The following TOM1L2 variants were observed in gnomAD, a reference collection of about 807,000 sequenced individuals.
TOM1L2 encodes TOM1-like protein 2.
A neutral mutation model predicts 67.9 loss-of-function variants in TOM1L2; 31 were observed. That is an observed-to-expected ratio of 0.46 (90% CI 0.34 to 0.62). TOM1L2 has a LOEUF of 0.62. TOM1L2 is among the 20% of genes least tolerant of loss of function. The pLI, the probability that TOM1L2 is intolerant of heterozygous loss-of-function variation, is 0.01. For missense variants in TOM1L2, 606 were observed against 663.5 expected, an observed-to-expected ratio of 0.91 and a Z score of 0.95; for synonymous variants, 256 against 254.0, an observed-to-expected ratio of 1.01 and a Z score of -0.07.
chr17:17,857,247 C>T (rs959424346), intron 12 of TOM1L2, among the ~76,000 whole-genome samples: 4 of 152,326 alleles, frequency 2.6e-5, no homozygotes, highest in African/African-American at 7.2e-5. Flanking sequence ...GCCACTGCAC[C>T]CGGCCTGTGT....
intron 1 of TOM1L2, among the ~76,000 whole-genome samples, chr17:17,955,992 A>G (rs145143504): frequency 2.7e-3 from 409 of 152,360 alleles, no homozygotes; most frequent in Non-Finnish European, 5.1e-3. Flanking sequence ...GCCAGCCTCA[A>G]GAGAAAAACT....
At chr17:17,894,098 T>C (rs1433705296) in intron 3 of TOM1L2, among the ~76,000 whole-genome samples, 1 of 152,180 alleles carries the variant, frequency 6.6e-6, no homozygotes, top group African/African-American at 2.4e-5. Flanking sequence ...TGCTAGTGTT[T>C]TAATGGGATC....
At chr17:17,961,081 G>T (rs116238840) in intron 1 of TOM1L2, among the ~76,000 whole-genome samples, 1 of 152,008 alleles carries the variant, frequency 6.6e-6, no homozygotes, top group Non-Finnish European at 1.5e-5. Flanking sequence ...TCCTAAAACC[G>T]AACAACAACA....
At chr17:17,848,722 G>A (rs1012291656) in intron 14 of TOM1L2, 101 bp downstream of exon 14, 1 of 1,352,308 alleles carries the variant, frequency 7.4e-7, no homozygotes, top group Non-Finnish European at 1.0e-6. Flanking sequence ...GCACCAGTAG[G>A]TGCTCTGGCA....
chr17:17,914,397 G>GGCCT (rs1304880366), intron 1 of TOM1L2, among the ~76,000 whole-genome samples: 1 of 152,162 alleles, frequency 6.6e-6, no homozygotes, highest in Non-Finnish European at 1.5e-5. Context: ...ATTCTTCCTA[G>GGCCT]GCCTGCCTGC....
intron 1 of TOM1L2, among the ~76,000 whole-genome samples, chr17:17,933,017 A>T (rs889563247): frequency 6.6e-6 from 1 of 152,250 alleles, no homozygotes; most frequent in African/African-American, 2.4e-5. Flanking sequence ...CAATTAAAAA[A>T]CTAACAGTCG....
rs761903481 is a variant in TOM1L2 at position 17,847,733 on chromosome 17, C to T, written c.1426G>A (p.Asp476Asn). The change falls in exon 15 of 15, where the codon GAC becomes AAC. Residue 476 changes from aspartate (D) to asparagine (N), a missense_variant. Physicochemically the swap from Asp to Asn is conservative, Grantham distance 23. Around this residue, in one of 2 missense-constraint regions of TOM1L2, gnomAD observed 543 missense variants for 554.0 expected, o/e 0.98. Coordinates refer to ENST00000379504, the MANE Select transcript of TOM1L2 (RefSeq NM_001082968.2). ...GCCTCCATGGGGGGCGAGGGGAGGT[C>T]GGGAACCATTTCAGCAGCTTTGGCT... ...ERAKAAEMVP[D>N]LPSPPMEAPA... The T allele has an allele frequency of 3.2e-5, 52 of 1,613,910 alleles. No individual in the cohort carries two copies. The highest frequency in any genetic ancestry group is 1.3e-4 in the Admixed American group (8 of 59,986).
chr17:17,851,183 G>A (rs1184983071), intron 12 of TOM1L2: 2 of 555,650 alleles, frequency 3.6e-6, no homozygotes, highest in African/African-American at 3.8e-5. Flanking sequence ...GCTCCCGGCA[G>A]GGCCGGCGGT....
At position 17,913,174 on chromosome 17, in the gene TOM1L2, G is replaced by A. The variant is rs989141565; in HGVS notation, c.53-5643C>T. Among the ~76,000 whole-genome samples the A allele has an allele frequency of 1.9e-4, 29 of 151,518 alleles. No homozygotes were observed. The East Asian group carries it at 3.5e-3, about 18-fold the overall frequency. On this transcript the variant is annotated intron_variant, in intron 1 of 14. Coordinates refer to ENST00000379504, the MANE Select transcript of TOM1L2 (RefSeq NM_001082968.2). ...TTCGGCTCGGCATGAGAGGGAGACC[G>A]TGGAAACAGAGGGAGAGGGAGACCG... is the stretch of plus-strand genomic sequence containing the variant.
At chr17:17,881,835 C>CATCCCTACACACACATTGCT (rs1196765265) in intron 6 of TOM1L2, among the ~76,000 whole-genome samples, 2 of 152,210 alleles carry the variant, frequency 1.3e-5, no homozygotes, top group African/African-American at 4.8e-5. Flanking sequence ...ACAACACTGC[C>CATCCCTACACACACATTGCT]ATCCCTACAC....
intron 1 of TOM1L2, among the ~76,000 whole-genome samples, chr17:17,938,694 T>A (rs2040604648): frequency 6.6e-6 from 1 of 151,886 alleles, no homozygotes; most frequent in Non-Finnish European, 1.5e-5. Flanking sequence ...TAACCTTTAC[T>A]GACTTATAAT....
chr17:17,954,608 T>A (rs2041349992), intron 1 of TOM1L2, among the ~76,000 whole-genome samples: 1 of 152,156 alleles, frequency 6.6e-6, no homozygotes, highest in Admixed American at 6.6e-5. Flanking sequence ...CCACCGCGCC[T>A]GGCCCTATTT....
At chr17:17,941,141 C>T (rs550893349) in intron 1 of TOM1L2, among the ~76,000 whole-genome samples, 3 of 152,318 alleles carry the variant, frequency 2.0e-5, no homozygotes, top group East Asian at 1.9e-4. Context: ...AAGGCTTCTA[C>T]GTTTGCTAAC....
At chr17:17,963,561 G>C (rs1419752289) in intron 1 of TOM1L2, among the ~76,000 whole-genome samples, 1 of 152,190 alleles carries the variant, frequency 6.6e-6, no homozygotes, top group African/African-American at 2.4e-5. Flanking sequence ...AGTGCTTCCA[G>C]AGAAAAAAAT....
At chr17:17,914,163 G>C (rs2039527538) in intron 1 of TOM1L2, among the ~76,000 whole-genome samples, 1 of 152,192 alleles carries the variant, frequency 6.6e-6, no homozygotes, top group Non-Finnish European at 1.5e-5. Context: ...ACAGAGGAGG[G>C]GTGTTCAGAG....
At chr17:17,891,848 AT>A (rs2144191254) in intron 4 of TOM1L2, among the ~76,000 whole-genome samples, 1 of 151,636 alleles carries the variant, frequency 6.6e-6, no homozygotes, top group South Asian at 2.1e-4. Context: ...ACAGAAGGAT[AT>A]TGGGTGGGCA....
rs546611280 is a variant in TOM1L2 at position 17,936,174 on chromosome 17, C to A, written c.53-28643G>T. Among the ~76,000 whole-genome samples the A allele has an allele frequency of 2.6e-5, 4 of 152,370 alleles. No individual in the cohort carries two copies. The East Asian group carries it at 7.7e-4, about 29-fold the overall frequency. On this transcript the variant is annotated intron_variant, in intron 1 of 14. Coordinates refer to ENST00000379504, the MANE Select transcript of TOM1L2 (RefSeq NM_001082968.2). ...GGCCTCTGGCCTTAGCTCCCCCAGG[C>A]GTGTGCCCTTCAGCAGCTCTGGGTT... is the stretch of plus-strand genomic sequence containing the variant.
At chr17:17,847,836 G>C in intron 14 of TOM1L2, 53 bp from the exon 15 acceptor site, 1 of 1,611,172 alleles carries the variant, frequency 6.2e-7, no homozygotes. Flanking sequence ...GGCCACCAGA[G>C]GAAGCGCACC....
At position 17,890,871 on chromosome 17, in the gene TOM1L2, A is replaced by C. The variant is rs2038237871; in HGVS notation, c.366+2790T>G. On this transcript the variant is annotated intron_variant, in intron 4 of 14. Coordinates refer to ENST00000379504, the MANE Select transcript of TOM1L2 (RefSeq NM_001082968.2). ...ATAATTCAATTAAAAGTTTAAAAAA[A>C]AGAAAGGGCTAGGGATCCTGTTTAT... Among the ~76,000 whole-genome samples the C allele has an allele frequency of 2.6e-5, 4 of 152,364 alleles. No homozygotes were observed. In the South Asian group the frequency reaches 8.3e-4, roughly 32 times the overall value.
Sources: allele counts gnomAD v4.1 joint callset (sites outside exome capture counted in the v4.1 genomes callset), GRCh38; gene constraint gnomAD v4.1.1; regional missense constraint gnomAD v4.1.1; transcripts MANE v1.5; gene names NCBI Gene and HGNC (gene_info 2026-07-23, HGNC 2026-07-21).